UBQLN1: variants seen among roughly 807,000 people sequenced by gnomAD.
The protein encoded by UBQLN1 is ubiquilin-1.
In UBQLN1, 13 loss-of-function variants were observed where a neutral mutation model predicts 65.4. The ratio of observed to expected loss-of-function variants is 0.20; its 90% CI spans 0.13 to 0.32. The LOEUF is 0.32. Ranked by LOEUF, UBQLN1 falls within the 10% of genes least tolerant of loss-of-function variation. The pLI, the probability that UBQLN1 is intolerant of heterozygous loss-of-function variation, is 1.00. For missense variants in UBQLN1, 561 were observed against 724.0 expected, an observed-to-expected ratio of 0.77 and a Z score of 2.58; for synonymous variants, 267 against 247.8, an observed-to-expected ratio of 1.08 and a Z score of -0.73.
chr9:83,676,898 T>C (rs1831842523), intron 6 of UBQLN1, among the ~76,000 whole-genome samples: 1 of 152,242 alleles, frequency 6.6e-6, no homozygotes, highest in South Asian at 2.1e-4. Flanking sequence ...CATCCGCATG[T>C]AGTATCTGAA....
rs557239513 is a variant in UBQLN1 at position 83,667,589 on chromosome 9, C to A, written c.1249-1156G>T. On this transcript the variant is annotated intron_variant, in intron 7 of 10. Transcript: ENST00000376395. The stretch of plus-strand genomic sequence containing the variant: ...CTCATACAGGCTTAAGGTCAACAAA[C>A]CTGCTTCTTTATTGGTTCCAAATAC... 11 of 985,378 alleles carry A rather than the reference C, an allele frequency of 1.1e-5. No individual in the cohort carries two copies. In the East Asian group the frequency reaches 1.0e-3, roughly 91 times the overall value. The allele number at this position is 985,378 out of a possible 1,614,324, so 61.0% of individuals were successfully genotyped here.
intron 6 of UBQLN1, among the ~76,000 whole-genome samples, chr9:83,673,971 G>T (rs910153312): frequency 6.6e-6 from 1 of 151,910 alleles, no homozygotes; most frequent in Non-Finnish European, 1.5e-5. Flanking sequence ...GTTACTTTTT[G>T]TCTTCTTTGT....
chr9:83,688,398 T>C (rs1447080411), intron 1 of UBQLN1, among the ~76,000 whole-genome samples: 3 of 152,214 alleles, frequency 2.0e-5, no homozygotes, highest in Non-Finnish European at 2.9e-5. Flanking sequence ...ATTTTTCATA[T>C]GCAAAATGAG....
At chr9:83,687,476 C>T (rs987381175) in intron 1 of UBQLN1, among the ~76,000 whole-genome samples, 7 of 152,290 alleles carry the variant, frequency 4.6e-5, no homozygotes, top group African/African-American at 1.2e-4. Context: ...TCAAACCACT[C>T]TACCTCACTG....
intron 9 of UBQLN1, 58 bp from the exon 10 acceptor site, chr9:83,664,101 G>A (rs1831605975): frequency 3.3e-6 from 5 of 1,537,364 alleles, no homozygotes; most frequent in South Asian, 1.2e-5. Context: ...AAGCCAGTCC[G>A]TAAATCAGTT....
intron 6 of UBQLN1, among the ~76,000 whole-genome samples, chr9:83,672,679 A>G (rs1831753509): frequency 6.6e-6 from 1 of 152,360 alleles, no homozygotes. Flanking sequence ...CAGAATAATG[A>G]AAAAGCCTGA....
At chr9:83,669,422 C>A in intron 6 of UBQLN1, 95 bp from the exon 7 acceptor site, 4 of 1,177,888 alleles carry the variant, frequency 3.4e-6, no homozygotes, top group Admixed American at 6.4e-5. Context: ...TTAATTTCAC[C>A]AAGTACAAAT....
At chr9:83,690,260 A>G (rs1183423545) in intron 1 of UBQLN1, among the ~76,000 whole-genome samples, 1 of 152,248 alleles carries the variant, frequency 6.6e-6, no homozygotes, top group Non-Finnish European at 1.5e-5. Context: ...CCCCAATGAC[A>G]ACAAATGAAC....
chr9:83,683,414 C>CAAAAAAAAAA (rs766459859), intron 2 of UBQLN1, among the ~76,000 whole-genome samples: 1 of 70,952 alleles, frequency 1.4e-5, no homozygotes, highest in Non-Finnish European at 2.6e-5. Context: ...GACTCCGTCT[C>CAAAAAAAAAA]AAAAAAAAAA....
At chr9:83,675,402 T>C (rs751780146) in intron 6 of UBQLN1, among the ~76,000 whole-genome samples, 35 of 152,144 alleles carry the variant, frequency 2.3e-4, no homozygotes, top group Non-Finnish European at 4.1e-4. Context: ...ACTAAAGTCA[T>C]TTTGACAACT....
chr9:83,676,265 C>T (rs1831830475), intron 6 of UBQLN1, among the ~76,000 whole-genome samples: 1 of 152,162 alleles, frequency 6.6e-6, no homozygotes, highest in Non-Finnish European at 1.5e-5. Flanking sequence ...TCTTGTTTTC[C>T]CTTGATGGAA....
In UBQLN1 at chr9:83,707,820, G is replaced by A. The variant is rs1276764895; in HGVS notation, c.-141C>T. 2.3e-6 allele frequency: 3 copies of A among 1,297,778 alleles called. No homozygotes were observed. Among genetic ancestry groups the A allele is most frequent in the East Asian group, 5.9e-5 (2 of 33,626 alleles). The allele number at this position is 1,297,778 out of a possible 1,614,324, so 80.4% of individuals were successfully genotyped here. A position where few individuals can be genotyped will look rare whatever the true frequency, so the allele number is the denominator to read the frequency against. Reference sequence around the variant, plus strand: ...CCGCCTCAGTAGCAACGGGCGCAGGGCCACCGTAGCGGGTGTGGGGCCCCG... The same window carrying A: ...CCGCCTCAGTAGCAACGGGCGCAGGACCACCGTAGCGGGTGTGGGGCCCCG... On this transcript the variant is annotated 5_prime_UTR_variant, in exon 1 of 11. Coordinates refer to ENST00000376395, the MANE Select transcript of UBQLN1 (RefSeq NM_013438.5).
At chr9:83,665,446 T>C (rs533643533) in intron 8 of UBQLN1, 1 of 264,536 alleles carries the variant, frequency 3.8e-6, no homozygotes, top group South Asian at 1.0e-4. Flanking sequence ...AGATAAAGTA[T>C]TACTTCTAAG....
chr9:83,701,584 T>C (rs1368897927), intron 1 of UBQLN1, among the ~76,000 whole-genome samples: 2 of 151,896 alleles, frequency 1.3e-5, no homozygotes, highest in African/African-American at 2.4e-5. Context: ...CCAGCAAAAA[T>C]AATAATGAAA....
intron 2 of UBQLN1, among the ~76,000 whole-genome samples, chr9:83,683,541 A>C (rs1831986404): frequency 6.6e-6 from 1 of 152,160 alleles, no homozygotes; most frequent in African/African-American, 2.4e-5. Flanking sequence ...AGGAACAAAA[A>C]ATACAAAATA....
chr9:83,663,770 C>G lies in UBQLN1; in HGVS notation c.1617+105G>C, dbSNP rs1011479498. The G allele has an allele frequency of 8.0e-6, 10 of 1,252,866 alleles. No individual in the cohort carries two copies. In the African/African-American group the frequency reaches 1.2e-4, roughly 15 times the overall value. 77.6% of individuals were successfully genotyped at this position (1,252,866 alleles called of 1,614,324 possible). A position where few individuals can be genotyped will look rare whatever the true frequency, so the allele number is the denominator to read the frequency against. On this transcript the variant is annotated intron_variant, in intron 10 of 10. Transcript: ENST00000376395. ...CTGTATTTTTCATTAATCTAAACACCTAAGAACTACTGCTTTCCTTTTTTC... is the reference window on the plus strand; with the variant it reads ...CTGTATTTTTCATTAATCTAAACACGTAAGAACTACTGCTTTCCTTTTTTC...
At chr9:83,664,707 C>A (rs929627605) in intron 9 of UBQLN1, among the ~76,000 whole-genome samples, 2 of 151,844 alleles carry the variant, frequency 1.3e-5, no homozygotes, top group African/African-American at 4.8e-5. Flanking sequence ...TTGAGACCAG[C>A]CTGGATAACA....
chr9:83,682,963 G>T lies in UBQLN1; in HGVS notation c.436C>A (p.Pro146Thr). ...TAAAGACACTTACCTAAACCAAAAG[G>T]GTTGCTAGTAGCAGAACCAGATGTA... is the stretch of plus-strand genomic sequence containing the variant. ...NSTSGSATSN[P>T]FGLGGLGGLA... is the part of the protein sequence containing the mutation. Residue 146 changes from proline (P) to threonine (T), a missense_variant, in exon 3 of 11, where the codon CCT becomes ACT. Around this residue, in one of 8 missense-constraint regions of UBQLN1, gnomAD observed 87 missense variants for 88.8 expected, o/e 0.98. Coordinates refer to ENST00000376395, the MANE Select transcript of UBQLN1 (RefSeq NM_013438.5). 6.2e-7 allele frequency: 1 copy of T among 1,607,942 alleles called. No homozygotes were observed. The highest frequency in any genetic ancestry group is 8.5e-7 in the Non-Finnish European group (1 of 1,175,750).
chr9:83,704,238 G>C (rs1832359001), intron 1 of UBQLN1, among the ~76,000 whole-genome samples: 1 of 152,166 alleles, frequency 6.6e-6, no homozygotes, highest in Non-Finnish European at 1.5e-5. Flanking sequence ...GTAACAAACA[G>C]TTTCAATCAA....
Sources: allele counts gnomAD v4.1 joint callset (sites outside exome capture counted in the v4.1 genomes callset), GRCh38; gene constraint gnomAD v4.1.1; regional missense constraint gnomAD v4.1.1; transcripts MANE v1.5; gene names NCBI Gene and HGNC (gene_info 2026-07-23, HGNC 2026-07-21).